The following DCLK2 variants were observed in gnomAD, a reference collection of about 807,000 sequenced individuals.
The protein encoded by DCLK2 is doublecortin like kinase 2, also known as serine/threonine-protein kinase DCLK2.
In DCLK2, 31 loss-of-function variants were observed where a neutral mutation model predicts 78.4. The ratio of observed to expected loss-of-function variants is 0.40; its 90% CI spans 0.30 to 0.53. DCLK2 has a LOEUF of 0.53. Ranked by LOEUF, DCLK2 falls within the 20% of genes least tolerant of loss-of-function variation. The pLI, the probability that DCLK2 is intolerant of heterozygous loss-of-function variation, is 0.61. For synonymous variants in DCLK2, 407 were observed against 374.9 expected, an observed-to-expected ratio of 1.09 and a Z score of -0.99; for missense variants, 872 against 973.7, an observed-to-expected ratio of 0.90 and a Z score of 1.39.
intron 2 of DCLK2, among the ~76,000 whole-genome samples, chr4:150,188,549 A>G (rs1380151095): frequency 6.6e-6 from 1 of 152,182 alleles, no homozygotes; most frequent in African/African-American, 2.4e-5. Context: ...CATCTTATGT[A>G]CACTATGTTT....
chr4:150,113,588 G>A (rs1047563234), intron 2 of DCLK2, among the ~76,000 whole-genome samples: 5 of 151,720 alleles, frequency 3.3e-5, no homozygotes, highest in East Asian at 1.9e-4. Context: ...TGTTGTGTCC[G>A]TTGTAATGTT....
At chr4:150,093,910 A>G (rs934408713) in intron 1 of DCLK2, among the ~76,000 whole-genome samples, 4 of 152,234 alleles carry the variant, frequency 2.6e-5, no homozygotes, top group Admixed American at 6.5e-5. Flanking sequence ...AAACTCAAAT[A>G]TGTATGGTCA....
intron 2 of DCLK2, among the ~76,000 whole-genome samples, chr4:150,169,822 C>CAGACAGCTA (rs754282741): frequency 1.3e-5 from 2 of 152,194 alleles, no homozygotes; most frequent in African/African-American, 2.4e-5. Context: ...CTGTGATTGA[C>CAGACAGCTA]AGACAGCTAA....
At chr4:150,153,727 A>C (rs1028984412) in intron 2 of DCLK2, among the ~76,000 whole-genome samples, 1 of 151,934 alleles carries the variant, frequency 6.6e-6, no homozygotes. Context: ...AAACTCTTAC[A>C]TGTTTATTAA....
At chr4:150,244,222 A>C (rs11930207) in intron 12 of DCLK2, among the ~76,000 whole-genome samples, 1 of 151,950 alleles carries the variant, frequency 6.6e-6, no homozygotes, top group Non-Finnish European at 1.5e-5. Context: ...GGTGTGAGCC[A>C]CTGTGCCTGA....
At chr4:150,080,512 G>A (rs145183449) in intron 1 of DCLK2, among the ~76,000 whole-genome samples, 1 of 152,334 alleles carries the variant, frequency 6.6e-6, no homozygotes, top group African/African-American at 2.4e-5. Flanking sequence ...GTCCGCTCTT[G>A]TGCATCTTTC....
intron 1 of DCLK2, among the ~76,000 whole-genome samples, chr4:150,089,672 A>G (rs967928165): frequency 6.6e-6 from 1 of 152,258 alleles, no homozygotes; most frequent in Non-Finnish European, 1.5e-5. Context: ...GTAAATATAA[A>G]ATTAGGTATG....
chr4:150,079,490 C>A, intron 1 of DCLK2, 42 bp downstream of exon 1: 4 of 1,437,718 alleles, frequency 2.8e-6, no homozygotes, highest in Non-Finnish European at 3.7e-6. Flanking sequence ...GGCGGAGCGC[C>A]GGCAGGTGCA....
intron 12 of DCLK2, among the ~76,000 whole-genome samples, chr4:150,245,176 A>G (rs1159514585): frequency 6.6e-6 from 1 of 152,198 alleles, no homozygotes; most frequent in Non-Finnish European, 1.5e-5. Flanking sequence ...GCAGGGAAAT[A>G]ACAGTGAAAA....
chr4:150,103,897 A>G (rs557581304), intron 2 of DCLK2, among the ~76,000 whole-genome samples: 9 of 152,266 alleles, frequency 5.9e-5, no homozygotes, highest in African/African-American at 1.4e-4. Flanking sequence ...CTGCCCCCAA[A>G]TATGTGTGAA....
chr4:150,152,097 C>G (rs1734939959), intron 2 of DCLK2, among the ~76,000 whole-genome samples: 1 of 152,008 alleles, frequency 6.6e-6, no homozygotes, highest in African/African-American at 2.4e-5. Flanking sequence ...GTGTAGAAAG[C>G]ATTAAAAATA....
intron 2 of DCLK2, among the ~76,000 whole-genome samples, chr4:150,123,236 C>T (rs1732692449): frequency 6.6e-6 from 1 of 152,150 alleles, no homozygotes; most frequent in Admixed American, 6.5e-5. Flanking sequence ...TTGGTCATTT[C>T]TAGCTTCTGA....
chr4:150,223,659 G>A (rs1428769852), intron 7 of DCLK2, among the ~76,000 whole-genome samples: 1 of 152,072 alleles, frequency 6.6e-6, no homozygotes, highest in Non-Finnish European at 1.5e-5. Context: ...CGACAGAATT[G>A]CTTGAACCTG....
chr4:150,178,513 A>G lies in DCLK2; in HGVS notation c.757-14625A>G, dbSNP rs371636756. On this transcript the variant is annotated intron_variant, in intron 2 of 15. Coordinates refer to ENST00000296550, the MANE Select transcript of DCLK2 (RefSeq NM_001040260.4). Reference sequence around the variant, plus strand: ...GTAGATGTGAGAACTTCATCTACTAAGAAGGCTGCTCTAGGGAAAAAAAAA... The same window carrying G: ...GTAGATGTGAGAACTTCATCTACTAGGAAGGCTGCTCTAGGGAAAAAAAAA... Among the ~76,000 whole-genome samples the G allele has an allele frequency of 3.6e-4, 50 of 140,384 alleles. No homozygotes were observed. In the South Asian group the frequency reaches 0.012, roughly 33 times the overall value. 92.1% of individuals were successfully genotyped at this position (140,384 alleles called of 152,430 possible). A position where few individuals can be genotyped will look rare whatever the true frequency, so the allele number is the denominator to read the frequency against.
intron 2 of DCLK2, among the ~76,000 whole-genome samples, chr4:150,133,147 G>A (rs1256795098): frequency 1.3e-5 from 2 of 152,128 alleles, no homozygotes. Flanking sequence ...TCAGCATTAT[G>A]CCCGGGGACC....
chr4:150,198,957 C>T (rs969452648), intron 4 of DCLK2: 20 of 870,720 alleles, frequency 2.3e-5, no homozygotes, highest in Admixed American at 4.7e-5. Flanking sequence ...CCCTTTTGAA[C>T]GCACATTTAG....
At chr4:150,177,771 A>G (rs1026757412) in intron 2 of DCLK2, among the ~76,000 whole-genome samples, 1 of 152,208 alleles carries the variant, frequency 6.6e-6, no homozygotes, top group African/African-American at 2.4e-5. Context: ...ACTTACATAA[A>G]AGTTTTGAAA....
At chr4:150,131,971 G>A (rs1345420144) in intron 2 of DCLK2, among the ~76,000 whole-genome samples, 3 of 152,112 alleles carry the variant, frequency 2.0e-5, no homozygotes, top group Non-Finnish European at 4.4e-5. Context: ...ATTCAAGACA[G>A]CAACAGTATG....
chr4:150,079,027 G>T lies in DCLK2; in HGVS notation c.-1G>T. On this transcript the variant is annotated 5_prime_UTR_variant, in exon 1 of 16. Coordinates refer to ENST00000296550, the MANE Select transcript of DCLK2 (RefSeq NM_001040260.4). ...TTGCGGACGCCCTCGGAGCAGCCGCGATGGCCAGCACCAGGAGTATCGAGC... is the reference window on the plus strand; with the variant it reads ...TTGCGGACGCCCTCGGAGCAGCCGCTATGGCCAGCACCAGGAGTATCGAGC... 6.5e-7 allele frequency: 1 copy of T among 1,526,966 alleles called. No homozygotes were observed. Among genetic ancestry groups the T allele is most frequent in the Non-Finnish European group, 8.8e-7 (1 of 1,142,060 alleles). 94.6% of individuals were successfully genotyped at this position (1,526,966 alleles called of 1,614,324 possible).
Sources: allele counts gnomAD v4.1 joint callset (sites outside exome capture counted in the v4.1 genomes callset), GRCh38; gene constraint gnomAD v4.1.1; transcripts MANE v1.5; gene names NCBI Gene and HGNC (gene_info 2026-07-23, HGNC 2026-07-21).